The following GRXCR2 variants were observed in gnomAD, a reference collection of about 807,000 sequenced individuals.
GRXCR2 encodes the protein glutaredoxin domain-containing cysteine-rich protein 2.
Under a neutral mutation model 24.8 loss-of-function variants are expected in GRXCR2, and 23 were observed. That is an observed-to-expected ratio of 0.93 (90% CI 0.67 to 1.32). GRXCR2 has a LOEUF of 1.32. Ranked by LOEUF, GRXCR2 falls within the 40% of genes most tolerant of loss-of-function variation. GRXCR2 has a pLI of 0.00. For missense variants in GRXCR2, 315 were observed against 303.4 expected (o/e 1.04, Z -0.28); for synonymous variants, 130 against 116.1 (o/e 1.12, Z -0.77).
chr5:145,870,451 CA>C lies in GRXCR2; in HGVS notation c.336+2181del, dbSNP rs373319249. Among the ~76,000 whole-genome samples the C allele has an allele frequency of 3.7e-3, 569 of 152,252 alleles. 2 individuals carry two copies. Among genetic ancestry groups the C allele is most frequent in the African/African-American group, 0.013 (551 of 41,558 alleles). On this transcript the variant is annotated intron_variant, in intron 1 of 2. Coordinates refer to ENST00000377976, the MANE Select transcript of GRXCR2 (RefSeq NM_001080516.2). Reference sequence around the variant, plus strand: ...ACTGAATAATATTGTGTTGTATGTACATACCGCATCTTGTTTATCCATTCAT... The same window carrying C: ...ACTGAATAATATTGTGTTGTATGTACTACCGCATCTTGTTTATCCATTCAT...
At chr5:145,926,466 A>T (rs1757395865) in intron 2 of GRXCR2, among the ~76,000 whole-genome samples, 1 of 152,132 alleles carries the variant, frequency 6.6e-6, no homozygotes, top group Non-Finnish European at 1.5e-5. Context: ...TTTTCCCAGT[A>T]CCATTTATTA....
At chr5:145,906,783 A>G (rs1158066734) in intron 2 of GRXCR2, among the ~76,000 whole-genome samples, 1 of 152,220 alleles carries the variant, frequency 6.6e-6, no homozygotes, top group Non-Finnish European at 1.5e-5. Context: ...TCCTTCCCTC[A>G]TGGAGCTTAC....
chr5:145,864,140 CCCTCTGAGGAAGTGATGCCT>C (rs994094665), intron 2 of GRXCR2, among the ~76,000 whole-genome samples: 1 of 152,038 alleles, frequency 6.6e-6, no homozygotes, highest in Non-Finnish European at 1.5e-5. Context: ...CAGGGAAGAT[CCCTCTGAGGAAGTGATGCCT>C]CCTCTGAGAT....
intron 2 of GRXCR2, among the ~76,000 whole-genome samples, chr5:145,922,677 T>C (rs1315383544): frequency 1.3e-5 from 2 of 152,204 alleles, no homozygotes; most frequent in African/African-American, 4.8e-5. Context: ...TTTTTCTCTC[T>C]CAACACCCTT....
At chr5:145,924,983 G>T (rs1444811890) in intron 2 of GRXCR2, among the ~76,000 whole-genome samples, 1 of 152,142 alleles carries the variant, frequency 6.6e-6, no homozygotes, top group Non-Finnish European at 1.5e-5. Context: ...TGCTTTAGAT[G>T]CAACACAATA....
At chr5:145,890,468 C>T (rs1178189180) in intron 2 of GRXCR2, among the ~76,000 whole-genome samples, 1 of 151,998 alleles carries the variant, frequency 6.6e-6, no homozygotes, top group African/African-American at 2.4e-5. Flanking sequence ...TACTGGCATT[C>T]CTGAGAGAGA....
At chr5:145,905,832 T>C (rs1237051079) in intron 2 of GRXCR2, among the ~76,000 whole-genome samples, 1 of 152,140 alleles carries the variant, frequency 6.6e-6, no homozygotes, top group East Asian at 1.9e-4. Flanking sequence ...ATAAGTGTTA[T>C]AGATGTATGA....
chr5:145,864,386 G>T (rs1258173761), intron 2 of GRXCR2, among the ~76,000 whole-genome samples: 1 of 152,174 alleles, frequency 6.6e-6, no homozygotes, highest in East Asian at 1.9e-4. Context: ...CAAGTAAGGA[G>T]TTTGCGGTTT....
chr5:145,918,412 C>T (rs923099248), intron 2 of GRXCR2, among the ~76,000 whole-genome samples: 8 of 152,168 alleles, frequency 5.3e-5, no homozygotes, highest in African/African-American at 1.9e-4. Context: ...AAGATCATTG[C>T]TATCCCCTAG....
chr5:145,917,538 C>T (rs1561690956), intron 2 of GRXCR2, among the ~76,000 whole-genome samples: 1 of 152,042 alleles, frequency 6.6e-6, no homozygotes, highest in Admixed American at 6.5e-5. Context: ...TGCTGGACAA[C>T]AAGGAGAAGA....
intron 2 of GRXCR2, among the ~76,000 whole-genome samples, chr5:145,894,746 C>A (rs571546884): frequency 6.6e-6 from 1 of 152,026 alleles, no homozygotes; most frequent in East Asian, 1.9e-4. Context: ...CTATTCCAAT[C>A]AATAGAAAAA....
intron 2 of GRXCR2, among the ~76,000 whole-genome samples, chr5:145,913,617 T>A (rs1006649764): frequency 6.6e-6 from 1 of 152,170 alleles, no homozygotes; most frequent in Non-Finnish European, 1.5e-5. Context: ...GAATGAAAAT[T>A]TATATGAACT....
chr5:145,927,631 C>T (rs1253745177), intron 2 of GRXCR2, among the ~76,000 whole-genome samples: 1 of 152,100 alleles, frequency 6.6e-6, no homozygotes, highest in African/African-American at 2.4e-5. Context: ...TTCGGTTTGG[C>T]AGTATTTTAT....
intron 2 of GRXCR2, among the ~76,000 whole-genome samples, chr5:145,880,396 C>T (rs1204298304): frequency 1.3e-5 from 2 of 152,182 alleles, no homozygotes; most frequent in African/African-American, 4.8e-5. Context: ...TACAAGCTAT[C>T]ATCAGAAAAT....
At chr5:145,879,769 G>A (rs1756672728) in intron 2 of GRXCR2, among the ~76,000 whole-genome samples, 1 of 152,026 alleles carries the variant, frequency 6.6e-6, no homozygotes, top group Non-Finnish European at 1.5e-5. Flanking sequence ...GCACCACATT[G>A]CACTTATTCT....
At chr5:145,871,711 C>T (rs2149911787) in intron 1 of GRXCR2, among the ~76,000 whole-genome samples, 1 of 152,268 alleles carries the variant, frequency 6.6e-6, no homozygotes, top group East Asian at 1.9e-4. Context: ...CATTTGTCTG[C>T]AATAGATGTG....
At chr5:145,924,373 T>C (rs766320149) in intron 2 of GRXCR2, among the ~76,000 whole-genome samples, 2 of 152,174 alleles carry the variant, frequency 1.3e-5, no homozygotes, top group Non-Finnish European at 2.9e-5. Context: ...TTATGTCTGG[T>C]TTGTTGACAT....
intron 2 of GRXCR2, among the ~76,000 whole-genome samples, chr5:145,889,373 A>G (rs1379008999): frequency 1.3e-5 from 2 of 152,116 alleles, no homozygotes; most frequent in Non-Finnish European, 2.9e-5. Context: ...ACAAATCACC[A>G]CTAAAGAACT....
intron 2 of GRXCR2, among the ~76,000 whole-genome samples, chr5:145,904,295 G>A (rs1373368595): frequency 6.6e-6 from 1 of 152,208 alleles, no homozygotes; most frequent in African/African-American, 2.4e-5. Flanking sequence ...GAGGAAACAT[G>A]GGATGGTAGA....
Sources: gnomAD v4.1 joint callset for allele counts (sites outside exome capture counted in the v4.1 genomes callset) on GRCh38, gnomAD v4.1.1 for gene constraint, MANE v1.5 for transcripts, NCBI Gene and HGNC (gene_info 2026-07-23, HGNC 2026-07-21) for gene names.